Variants in ATP9B observed in about 807,000 individuals in gnomAD.
ATP9B encodes the protein probable phospholipid-transporting ATPase IIB.
In ATP9B, 110 loss-of-function variants were observed where a neutral mutation model predicts 146.1. The observed-to-expected ratio is 0.75, with a 90% CI of 0.65 to 0.88. ATP9B has a LOEUF of 0.88. Among genes scored for constraint, ATP9B ranks in the 40% least tolerant of loss-of-function variants. ATP9B has a pLI of 0.00. For synonymous variants in ATP9B, 604 were observed against 569.7 expected (o/e 1.06, Z -0.86); for missense variants, 1,499 against 1,496.4 (o/e 1.00, Z -0.03).
chr18:79,165,093 G>C (rs569192619), intron 7 of ATP9B, among the ~76,000 whole-genome samples: 1 of 152,294 alleles, frequency 6.6e-6, no homozygotes, highest in Non-Finnish European at 1.5e-5. Context: ...TGACACTCAT[G>C]ACAGGCTTTC....
In ATP9B at chr18:79,120,333, T is replaced by G. The variant is rs997240077; in HGVS notation, c.559-5934T>G. 2.8e-4 allele frequency among the ~76,000 whole-genome samples: 42 copies of G among 152,182 alleles called. 1 individual carries two copies. Among genetic ancestry groups the G allele is most frequent in the Non-Finnish European group, 1.5e-4 (10 of 68,020 alleles). Reference sequence around the variant, plus strand: ...TTTACAGTTGTCGGTTGTAAAATCCTATTTCTGTTGTTCGCTAATTTTAAA... The same window carrying G: ...TTTACAGTTGTCGGTTGTAAAATCCGATTTCTGTTGTTCGCTAATTTTAAA... On this transcript the variant is annotated intron_variant, in intron 4 of 29. Transcript: ENST00000426216.
At chr18:79,241,655 C>G (rs1038414834) in intron 11 of ATP9B, among the ~76,000 whole-genome samples, 1 of 152,206 alleles carries the variant, frequency 6.6e-6, no homozygotes, top group African/African-American at 2.4e-5. Flanking sequence ...TTAGGGCAAC[C>G]TTTTCGTCAT....
rs2095385441 is a variant in ATP9B at position 79,193,198 on chromosome 18, A to G, written c.889A>G (p.Ser297Gly). 9 of 1,606,742 alleles carry G rather than the reference A, an allele frequency of 5.6e-6. No individual in the cohort carries two copies. The highest frequency in any genetic ancestry group is 7.7e-6 in the Non-Finnish European group (9 of 1,174,534). ...TGTATTCCAGGACCTTTTTTCTATC[A>G]GTGCTTATGTTTATGCTCAGAAACC... is the stretch of plus-strand genomic sequence containing the variant. ...LPALGDLFSISAYVYAQKPQM... is the reference protein window; with the variant it reads ...LPALGDLFSIGAYVYAQKPQM... Residue 297 changes from serine to glycine, a missense_variant, in exon 9 of 30, where the codon AGT (serine) becomes GGT (glycine). Ser to Gly is a moderately conservative substitution (Grantham distance 56). Coordinates refer to ENST00000426216, the MANE Select transcript of ATP9B (RefSeq NM_198531.5).
intron 4 of ATP9B, 92 bp downstream of exon 4, chr18:79,113,446 T>A (rs953637678): frequency 2.4e-6 from 2 of 821,348 alleles, no homozygotes; most frequent in African/African-American, 3.5e-5. Context: ...ATTGACCAGA[T>A]TTTTAAAACA....
chr18:79,077,911 A>T (rs1167584018), intron 1 of ATP9B: 1 of 152,210 alleles, frequency 6.6e-6, no homozygotes, highest in African/African-American at 2.4e-5. Context: ...TATTTCATAG[A>T]TGAAATACTG....
intron 8 of ATP9B, 127 bp downstream of exon 8, chr18:79,177,034 C>T: frequency 1.3e-6 from 1 of 758,166 alleles, no homozygotes; most frequent in Non-Finnish European, 2.0e-6. Context: ...TTTCTTTATT[C>T]CTCATGAAGG....
chr18:79,270,280 T>G lies in ATP9B; in HGVS notation c.1269-6774T>G, dbSNP rs1387052075. On this transcript the variant is annotated intron_variant, in intron 12 of 29. Transcript: ENST00000426216. ...TTCATTTATATTTATATGCACACAT[T>G]CATCTATTCTATGTGGCAGCTCTGT... Among the ~76,000 whole-genome samples, 3 of 152,126 alleles carry G rather than the reference T, an allele frequency of 2.0e-5. No individual in the cohort carries two copies. The East Asian group carries it at 5.8e-4, about 29-fold the overall frequency.
intron 2 of ATP9B, among the ~76,000 whole-genome samples, chr18:79,102,723 G>T (rs2075371701): frequency 1.3e-5 from 2 of 151,986 alleles, no homozygotes; most frequent in South Asian, 2.1e-4. Context: ...TATTAGTTTG[G>T]GGGGGATTGA....
chr18:79,193,332 C>T lies in ATP9B; in HGVS notation c.954+69C>T, dbSNP rs1024826693. The T allele has an allele frequency of 4.3e-5, 53 of 1,235,886 alleles. 1 individual carries two copies. The African/African-American group carries it at 6.6e-4, about 15-fold the overall frequency. The allele number at this position is 1,235,886 out of a possible 1,614,324, so 76.6% of individuals were successfully genotyped here. A position where few individuals can be genotyped will look rare whatever the true frequency, so the allele number is the denominator to read the frequency against. Reference sequence around the variant, plus strand: ...AGTTAAAAGTAGCAAACCTTTGAGACAGTAATTCAATCAAGAATAAATTCA... The same window carrying T: ...AGTTAAAAGTAGCAAACCTTTGAGATAGTAATTCAATCAAGAATAAATTCA... On this transcript the variant is annotated intron_variant, in intron 9 of 29. Coordinates refer to ENST00000426216, the MANE Select transcript of ATP9B (RefSeq NM_198531.5).
At position 79,150,364 on chromosome 18, in the gene ATP9B, G is replaced by A. The variant is rs77075067; in HGVS notation, c.727-4140G>A. Among the ~76,000 whole-genome samples, 105 of 151,880 alleles carry A rather than the reference G, an allele frequency of 6.9e-4. 1 individual carries two copies. In the East Asian group the frequency reaches 0.018, roughly 25 times the overall value. ...CTACCCAACAGTTGCACTCCTGGAC[G>A]TTTATCACAGAGAAATGTTAAATTA... On this transcript the variant is annotated intron_variant, in intron 6 of 29. Transcript: ENST00000426216.
chr18:79,231,803 T>TATATATATATATATATATACAC (rs569726473), intron 11 of ATP9B, among the ~76,000 whole-genome samples: 1 of 114,760 alleles, frequency 8.7e-6, no homozygotes, highest in African/African-American at 3.4e-5. Flanking sequence ...TATATATATA[T>TATATATATATATATATATACAC]ACACACACAC....
intron 15 of ATP9B, among the ~76,000 whole-genome samples, chr18:79,321,088 A>G (rs1449631777): frequency 6.6e-6 from 1 of 152,220 alleles, no homozygotes; most frequent in African/African-American, 2.4e-5. Flanking sequence ...AAAGAACACC[A>G]TGACTATATT....
intron 9 of ATP9B, among the ~76,000 whole-genome samples, chr18:79,204,641 G>GT (rs2095518268): frequency 6.6e-6 from 1 of 152,248 alleles, no homozygotes; most frequent in African/African-American, 2.4e-5. Context: ...ATTGAAGGAA[G>GT]TAATTCCTAA....
chr18:79,069,650 G>A (rs1324386151), intron 1 of ATP9B, 121 bp downstream of exon 1: 16 of 578,686 alleles, frequency 2.8e-5, no homozygotes, highest in Non-Finnish European at 3.9e-5. Context: ...CTGTTCGCTG[G>A]GAGCCGGGAG....
At chr18:79,329,962 C>A in intron 16 of ATP9B, 50 bp from the exon 17 acceptor site, 1 of 1,528,458 alleles carries the variant, frequency 6.5e-7, no homozygotes. Flanking sequence ...GTTATTTGCC[C>A]CGAGCAATGC....
chr18:79,342,636 GA>G (rs2096865719), intron 20 of ATP9B, among the ~76,000 whole-genome samples: 1 of 151,770 alleles, frequency 6.6e-6, no homozygotes, highest in African/African-American at 2.4e-5. Context: ...TGTTAAAATA[GA>G]TATTTTTAGC....
At chr18:79,265,705 A>T (rs115965526) in intron 12 of ATP9B, among the ~76,000 whole-genome samples, 2,344 of 151,734 alleles carry the variant, frequency 0.015, 64 homozygotes, top group African/African-American at 0.054. Flanking sequence ...GTTTATTGAG[A>T]TCTCATTTGT....
At chr18:79,285,760 T>G (rs1243802311) in intron 13 of ATP9B, among the ~76,000 whole-genome samples, 6 of 152,230 alleles carry the variant, frequency 3.9e-5, no homozygotes, top group Admixed American at 1.3e-4. Context: ...GGTCTAACGT[T>G]TAAGTCTTTA....
At chr18:79,314,885 G>A (rs1368069041) in intron 15 of ATP9B, among the ~76,000 whole-genome samples, 1 of 152,252 alleles carries the variant, frequency 6.6e-6, no homozygotes, top group Non-Finnish European at 1.5e-5. Flanking sequence ...GAAGCTCGGT[G>A]GGCAGAGCCT....
Sources: allele counts gnomAD v4.1 joint callset (sites outside exome capture counted in the v4.1 genomes callset), GRCh38; gene constraint gnomAD v4.1.1; transcripts MANE v1.5; gene names NCBI Gene and HGNC (gene_info 2026-07-23, HGNC 2026-07-21).